The following ASAP2 variants were observed in gnomAD, a reference collection of about 807,000 sequenced individuals.
ASAP2 encodes the protein ArfGAP with SH3 domain, ankyrin repeat and PH domain 2.
ASAP2 carries 45 observed loss-of-function variants against 131.4 expected under a neutral mutation model. The ratio of observed to expected loss-of-function variants is 0.34; its 90% CI spans 0.27 to 0.44. The LOEUF is 0.44. Among genes scored for constraint, ASAP2 ranks in the 20% least tolerant of loss-of-function variants. The pLI is 1.00. For missense variants in ASAP2, 1,011 were observed against 1,297.0 expected (o/e 0.78, Z 3.39); for synonymous variants, 510 against 503.0 (o/e 1.01, Z -0.19).
At chr2:9,251,201 C>G (rs1425954528) in intron 1 of ASAP2, among the ~76,000 whole-genome samples, 1 of 152,212 alleles carries the variant, frequency 6.6e-6, no homozygotes, top group Non-Finnish European at 1.5e-5. Context: ...GTTGTCACAT[C>G]AGGAGTTTAG....
rs1553297027 is a variant in ASAP2, at chr2:9,254,254, T to TATATATAC, written c.127-25062_127-25061insTATATACA. ...AAAAAAAAATATATATATATATATATACACGTGTGTGTGTATGCATATATA... is the reference window on the plus strand; with the variant it reads ...AAAAAAAAATATATATATATATATATATATATACACACGTGTGTGTGTATGCATATATA... On this transcript the variant is annotated intron_variant, in intron 1 of 27. Coordinates refer to ENST00000281419, the MANE Select transcript of ASAP2 (RefSeq NM_003887.3). Among the ~76,000 whole-genome samples the TATATATAC allele has an allele frequency of 1.8e-3, 116 of 65,730 alleles. 15 individuals carry two copies. The highest frequency in any genetic ancestry group is 5.8e-3 in the African/African-American group (79 of 13,538). 43.1% of individuals were successfully genotyped at this position (65,730 alleles called of 152,430 possible).
At chr2:9,258,641 TG>T (rs1665347184) in intron 1 of ASAP2, among the ~76,000 whole-genome samples, 1 of 152,170 alleles carries the variant, frequency 6.6e-6, no homozygotes, top group Admixed American at 6.5e-5. Flanking sequence ...TCCCGGGTCC[TG>T]GGGCAGTGTG....
intron 1 of ASAP2, among the ~76,000 whole-genome samples, chr2:9,274,509 A>T (rs1459991292): frequency 6.6e-6 from 1 of 151,656 alleles, no homozygotes; most frequent in African/African-American, 2.4e-5. Flanking sequence ...TTTTAGTAGA[A>T]TCGGAGTTTT....
intron 1 of ASAP2, among the ~76,000 whole-genome samples, chr2:9,229,764 A>T (rs1337608548): frequency 1.3e-5 from 2 of 152,204 alleles, no homozygotes; most frequent in Non-Finnish European, 2.9e-5. Context: ...AGGGGGACAA[A>T]GTGCCTGAGC....
Position 9,254,208 on chromosome 2 carries a change from C to CAAAAAAAAAAAAA in ASAP2, c.127-25092_127-25080dup, listed in dbSNP as rs1167547534. Among the ~76,000 whole-genome samples, 2 of 15,628 alleles carry CAAAAAAAAAAAAA rather than the reference C, an allele frequency of 1.3e-4. 1 individual carries two copies. Among genetic ancestry groups the CAAAAAAAAAAAAA allele is most frequent in the Non-Finnish European group, 2.3e-4 (2 of 8,878 alleles). 10.3% of individuals were successfully genotyped at this position (15,628 alleles called of 152,430 possible). ...CCTGGGGAACAGAGGGAGACTGTCT[C>CAAAAAAAAAAAAA]AAAAAAAAAAAAAAAAAAAAAAAAA... is the stretch of plus-strand genomic sequence containing the variant. On this transcript the variant is annotated intron_variant, in intron 1 of 27. Coordinates refer to ENST00000281419, the MANE Select transcript of ASAP2 (RefSeq NM_003887.3).
chr2:9,238,857 A>T (rs1384107627), intron 1 of ASAP2, among the ~76,000 whole-genome samples: 1 of 152,040 alleles, frequency 6.6e-6, no homozygotes, highest in African/African-American at 2.4e-5. Context: ...TTTTTTGTAG[A>T]TTGCCTGGCA....
chr2:9,309,305 A>G lies in ASAP2; in HGVS notation c.346-9219A>G, dbSNP rs552650402. The stretch of plus-strand genomic sequence containing the variant: ...GCTGGCCAAGAAAAAGAAGTGAACT[A>G]CTGGTACACGCAACTACATGAATGA... On this transcript the variant is annotated intron_variant, in intron 3 of 27. Coordinates refer to ENST00000281419, the MANE Select transcript of ASAP2 (RefSeq NM_003887.3). Among the ~76,000 whole-genome samples, 35 of 152,346 alleles carry G rather than the reference A, an allele frequency of 2.3e-4. No individual in the cohort carries two copies. The South Asian group carries it at 7.1e-3, about 31-fold the overall frequency.
At chr2:9,307,527 A>G (rs1291671547) in intron 3 of ASAP2, among the ~76,000 whole-genome samples, 1 of 152,330 alleles carries the variant, frequency 6.6e-6, no homozygotes, top group East Asian at 1.9e-4. Flanking sequence ...TGGGTTCTCC[A>G]GTGCTGCCCT....
At chr2:9,245,536 T>G in intron 1 of ASAP2, among the ~76,000 whole-genome samples, 1 of 150,992 alleles carries the variant, frequency 6.6e-6, no homozygotes, top group South Asian at 2.1e-4. Context: ...TTTCTGAGTC[T>G]TTTTGGTGTG....
At chr2:9,294,316 G>A (rs74341814) in intron 2 of ASAP2, among the ~76,000 whole-genome samples, 3 of 151,972 alleles carry the variant, frequency 2.0e-5, no homozygotes, top group Non-Finnish European at 4.4e-5. Flanking sequence ...TTTTTAAAAA[G>A]AAAAAAACTT....
At chr2:9,372,665 C>A (rs1452641464) in intron 16 of ASAP2, among the ~76,000 whole-genome samples, 2 of 152,070 alleles carry the variant, frequency 1.3e-5, no homozygotes, top group African/African-American at 2.4e-5. Flanking sequence ...AAAGAAAGAT[C>A]ATAAAAACCA....
intron 1 of ASAP2, among the ~76,000 whole-genome samples, chr2:9,244,375 G>A (rs997916432): frequency 2.6e-5 from 4 of 152,174 alleles, no homozygotes; most frequent in Admixed American, 1.3e-4. Context: ...ACTGAGATTA[G>A]GAATAAGTTA....
At chr2:9,327,994 A>G in intron 7 of ASAP2, 83 bp downstream of exon 7, 7 of 993,656 alleles carry the variant, frequency 7.0e-6, no homozygotes, top group Non-Finnish European at 1.0e-5. Flanking sequence ...CTCATAGGAA[A>G]TAAACACCAC....
intron 1 of ASAP2, among the ~76,000 whole-genome samples, chr2:9,222,740 C>T (rs1353489373): frequency 5.9e-5 from 9 of 152,020 alleles, no homozygotes; most frequent in Non-Finnish European, 1.2e-4. Flanking sequence ...TGGGTGTGTT[C>T]GCTAGCAGGA....
chr2:9,357,339 C>T lies in ASAP2; in HGVS notation c.1327+994C>T, dbSNP rs574051101. 1.9e-4 allele frequency among the ~76,000 whole-genome samples: 29 copies of T among 152,050 alleles called. No individual in the cohort carries two copies. In the East Asian group the frequency reaches 2.9e-3, roughly 15 times the overall value. On this transcript the variant is annotated intron_variant, in intron 14 of 27. Transcript: ENST00000281419. ...ATTAAAAATACCATAATTAGCCCGGCGTGGTAGTGCGCACATGTAGTCCCA... is the reference window on the plus strand; with the variant it reads ...ATTAAAAATACCATAATTAGCCCGGTGTGGTAGTGCGCACATGTAGTCCCA...
intron 3 of ASAP2, among the ~76,000 whole-genome samples, chr2:9,308,235 A>G (rs930926959): frequency 6.6e-6 from 1 of 152,238 alleles, no homozygotes; most frequent in African/African-American, 2.4e-5. Flanking sequence ...GGGAGGCCTC[A>G]GGAAACTTAC....
chr2:9,356,008 C>T (rs767964969), intron 12 of ASAP2, 39 bp from the exon 13 acceptor site: 2 of 1,608,320 alleles, frequency 1.2e-6, no homozygotes, highest in Non-Finnish European at 8.5e-7. Context: ...GTATGGATTG[C>T]TGTCTGGGCT....
chr2:9,363,196 A>G (rs987396892), intron 15 of ASAP2, among the ~76,000 whole-genome samples: 1 of 152,106 alleles, frequency 6.6e-6, no homozygotes, highest in African/African-American at 2.4e-5. Flanking sequence ...CCATTCGTCC[A>G]TTGGTGGCAT....
intron 20 of ASAP2, among the ~76,000 whole-genome samples, chr2:9,382,140 C>T (rs891853189): frequency 3.9e-5 from 6 of 152,016 alleles, no homozygotes; most frequent in African/African-American, 9.7e-5. Context: ...CCTGCCACCA[C>T]GCCCAGCTAA....
Sources: allele counts gnomAD v4.1 joint callset (sites outside exome capture counted in the v4.1 genomes callset), GRCh38; gene constraint gnomAD v4.1.1; transcripts MANE v1.5; gene names NCBI Gene and HGNC (gene_info 2026-07-23, HGNC 2026-07-21).